Variants in KCNH8 observed in about 807,000 individuals in gnomAD.
The protein encoded by KCNH8 is potassium voltage-gated channel subfamily H member 8, also known as voltage-gated delayed rectifier potassium channel KCNH8.
A neutral mutation model predicts 103.6 loss-of-function variants in KCNH8; 70 were observed. The observed-to-expected ratio is 0.68, with a 90% confidence interval of 0.56 to 0.82. KCNH8 has a LOEUF of 0.82. KCNH8 is among the 40% of genes least tolerant of loss of function. KCNH8 has a pLI of 0.00. For missense variants in KCNH8, 1,217 were observed against 1,329.9 expected (o/e 0.92, Z 1.32); for synonymous variants, 498 against 489.4 (o/e 1.02, Z -0.23).
chr3:19,170,793 T>C (rs867851326), intron 1 of KCNH8, among the ~76,000 whole-genome samples: 245 of 100,704 alleles, frequency 2.4e-3, no homozygotes, highest in Non-Finnish European at 2.3e-3. Flanking sequence ...CACACACATA[T>C]ATATATATAT....
chr3:19,370,488 G>A (rs1189155405), intron 5 of KCNH8, among the ~76,000 whole-genome samples: 3 of 151,806 alleles, frequency 2.0e-5, no homozygotes, highest in African/African-American at 7.3e-5. Context: ...ATTTTATTTT[G>A]TAAATGTTTT....
chr3:19,268,980 A>G (rs928928489), intron 2 of KCNH8, among the ~76,000 whole-genome samples: 1 of 152,150 alleles, frequency 6.6e-6, no homozygotes, highest in East Asian at 1.9e-4. Flanking sequence ...TAAATTGTGC[A>G]TCTAAAGAAA....
chr3:19,239,594 T>C (rs2064109226), intron 1 of KCNH8, among the ~76,000 whole-genome samples: 1 of 151,950 alleles, frequency 6.6e-6, no homozygotes, highest in Non-Finnish European at 1.5e-5. Context: ...TAGAAACTAG[T>C]CTAGAATTAT....
intron 15 of KCNH8, among the ~76,000 whole-genome samples, chr3:19,529,777 C>T (rs1385620221): frequency 1.3e-5 from 2 of 152,126 alleles, no homozygotes; most frequent in Non-Finnish European, 2.9e-5. Flanking sequence ...CCTTACTTAA[C>T]ACAATTAATT....
intron 11 of KCNH8, among the ~76,000 whole-genome samples, chr3:19,503,331 G>C (rs1197391837): frequency 1.3e-5 from 2 of 152,148 alleles, no homozygotes; most frequent in African/African-American, 2.4e-5. Flanking sequence ...CTGTTGGTGG[G>C]ACTGCAACCT....
chr3:19,319,388 G>A (rs1216148320), intron 3 of KCNH8, among the ~76,000 whole-genome samples: 3 of 151,966 alleles, frequency 2.0e-5, no homozygotes, highest in Non-Finnish European at 1.5e-5. Flanking sequence ...CACGTGGCTT[G>A]CCAATTATCC....
chr3:19,523,695 A>G (rs971320297), intron 15 of KCNH8, among the ~76,000 whole-genome samples: 1 of 151,948 alleles, frequency 6.6e-6, no homozygotes, highest in Non-Finnish European at 1.5e-5. Flanking sequence ...GTTAATTTCA[A>G]TTGGAAAAGA....
intron 2 of KCNH8, among the ~76,000 whole-genome samples, chr3:19,275,795 C>T (rs1453183789): frequency 6.6e-6 from 1 of 151,996 alleles, no homozygotes; most frequent in Non-Finnish European, 1.5e-5. Flanking sequence ...CCCGTATTTT[C>T]TAGTCCCTTG....
Position 19,390,553 on chromosome 3 carries a change from G to T in KCNH8, c.884G>T (p.Cys295Phe), listed in dbSNP as rs201616655. 1.2e-5 allele frequency: 19 copies of T among 1,612,978 alleles called. No individual in the cohort carries two copies. Among genetic ancestry groups the T allele is most frequent in the Non-Finnish European group, 1.6e-5 (19 of 1,179,454 alleles). ...GTTATCTTTGAAGCAAGATCAATTT[G>T]CATCCACTATGTCACAACCTGGTTC... The part of the protein sequence containing the change: ...GQVIFEARSI[C>F]IHYVTTWFII... The change falls in exon 6 of 16, where the codon TGC (cysteine) becomes TTC (phenylalanine). Residue 295 changes from cysteine (C) to phenylalanine (F), a missense_variant. By Grantham distance (205) the Cys-to-Phe change is radical. Transcript: ENST00000328405.
At chr3:19,288,816 C>T (rs1427746968) in intron 3 of KCNH8, among the ~76,000 whole-genome samples, 4 of 152,198 alleles carry the variant, frequency 2.6e-5, no homozygotes, top group Non-Finnish European at 5.9e-5. Context: ...CTGACTTCCA[C>T]AATGGTTGAA....
chr3:19,434,913 T>C (rs766988076), intron 7 of KCNH8, among the ~76,000 whole-genome samples: 2 of 152,076 alleles, frequency 1.3e-5, no homozygotes, highest in Non-Finnish European at 2.9e-5. Context: ...CACAGCACAA[T>C]TTAAAATGAT....
intron 7 of KCNH8, among the ~76,000 whole-genome samples, chr3:19,411,069 C>A (rs2066771047): frequency 1.3e-5 from 2 of 151,858 alleles, no homozygotes; most frequent in African/African-American, 4.8e-5. Context: ...TGAAAAAAAT[C>A]AAACTACAGG....
At chr3:19,254,881 C>T (rs1006948362) in intron 2 of KCNH8, among the ~76,000 whole-genome samples, 11 of 152,100 alleles carry the variant, frequency 7.2e-5, no homozygotes, top group African/African-American at 2.4e-4. Flanking sequence ...TTTGTGCAAT[C>T]TCTGGGTAAA....
At chr3:19,350,225 G>A (rs749909134) in intron 5 of KCNH8, among the ~76,000 whole-genome samples, 1 of 152,052 alleles carries the variant, frequency 6.6e-6, no homozygotes, top group Admixed American at 6.6e-5. Flanking sequence ...TGATCATTGA[G>A]AAATAAGTTA....
intron 1 of KCNH8, among the ~76,000 whole-genome samples, chr3:19,226,242 T>C (rs1371299135): frequency 6.6e-6 from 1 of 152,196 alleles, no homozygotes; most frequent in East Asian, 1.9e-4. Flanking sequence ...TCTACTACAG[T>C]TAGCTATTTT....
At chr3:19,488,342 G>C (rs1559352472) in intron 11 of KCNH8, among the ~76,000 whole-genome samples, 2 of 152,192 alleles carry the variant, frequency 1.3e-5, no homozygotes, top group African/African-American at 4.8e-5. Flanking sequence ...GCCTGGCCTG[G>C]TGTTCGGCTT....
intron 7 of KCNH8, among the ~76,000 whole-genome samples, chr3:19,426,022 T>C (rs2067023748): frequency 6.6e-6 from 1 of 152,210 alleles, no homozygotes; most frequent in African/African-American, 2.4e-5. Context: ...GTGTCAGGGC[T>C]GTGACAACGC....
At chr3:19,401,987 T>C (rs186140046) in intron 7 of KCNH8, among the ~76,000 whole-genome samples, 1 of 152,028 alleles carries the variant, frequency 6.6e-6, no homozygotes, top group East Asian at 1.9e-4. Context: ...CTCAGTATCT[T>C]TGCACCACAG....
At chr3:19,363,968 A>G (rs1026771313) in intron 5 of KCNH8, among the ~76,000 whole-genome samples, 3 of 152,132 alleles carry the variant, frequency 2.0e-5, no homozygotes, top group African/African-American at 7.2e-5. Context: ...TGATGAGGAG[A>G]AAATTAAATT....
Sources: gnomAD v4.1 joint callset for allele counts (sites outside exome capture counted in the v4.1 genomes callset) on GRCh38, gnomAD v4.1.1 for gene constraint, MANE v1.5 for transcripts, NCBI Gene and HGNC (gene_info 2026-07-23, HGNC 2026-07-21) for gene names.